PPP3CB: variants seen among roughly 807,000 people sequenced by gnomAD.
The protein encoded by PPP3CB is protein phosphatase 3 catalytic subunit beta.
Under a neutral mutation model 66.4 loss-of-function variants are expected in PPP3CB, and 8 were observed. The ratio of observed to expected loss-of-function variants is 0.12; its 90% CI spans 0.07 to 0.22. The LOEUF (loss-of-function observed/expected upper bound fraction) is 0.22. Ranked by LOEUF, PPP3CB falls within the 10% of genes least tolerant of loss-of-function variation. The pLI, the probability that PPP3CB is intolerant of heterozygous loss-of-function variation, is 1.00. For synonymous variants in PPP3CB, 208 were observed against 221.2 expected (o/e 0.94, Z 0.53); for missense variants, 319 against 642.5 (o/e 0.50, Z 5.44).
intron 4 of PPP3CB, among the ~76,000 whole-genome samples, chr10:73,474,396 A>G (rs2056754690): frequency 1.3e-5 from 2 of 152,114 alleles, no homozygotes; most frequent in Admixed American, 1.3e-4. Flanking sequence ...GTATGTTTGT[A>G]AAAGTTAAAC....
In PPP3CB at chr10:73,437,311, C is replaced by A. The variant is rs1339578566; in HGVS notation, c.*931G>T. ...TGGCTCTCTAAGCAACTTGAGTACT[C>A]ACAATAAACTAAAATTTCTCATAAC... On this transcript the variant is annotated 3_prime_UTR_variant, in exon 14 of 14. Coordinates refer to ENST00000360663, the MANE Select transcript of PPP3CB (RefSeq NM_021132.4). 1 of 152,634 alleles carries A rather than the reference C, an allele frequency of 6.6e-6. No homozygotes were observed. 9.5% of individuals were successfully genotyped at this position (152,634 alleles called of 1,614,324 possible). A position where few individuals can be genotyped will look rare whatever the true frequency, so the allele number is the denominator to read the frequency against.
chr10:73,454,539 A>C, intron 9 of PPP3CB, 50 bp from the exon 10 acceptor site: 1 of 1,191,902 alleles, frequency 8.4e-7, no homozygotes, highest in Non-Finnish European at 1.2e-6. Flanking sequence ...ATAACTGTCT[A>C]TACATACACA....
chr10:73,464,018 C>T (rs2056575590), intron 9 of PPP3CB, among the ~76,000 whole-genome samples: 1 of 152,150 alleles, frequency 6.6e-6, no homozygotes, highest in Admixed American at 6.5e-5. Context: ...GCAACCTCCA[C>T]CTCCTGGGTT....
At chr10:73,442,885 A>AT (rs939221723) in intron 12 of PPP3CB, among the ~76,000 whole-genome samples, 18 of 151,778 alleles carry the variant, frequency 1.2e-4, no homozygotes, top group African/African-American at 3.1e-4. Context: ...CAGGAAAAAA[A>AT]TTTTTTTTAT....
At chr10:73,479,561 C>T (rs763512535) in intron 1 of PPP3CB, 44 bp from the exon 2 acceptor site, 7 of 1,553,882 alleles carry the variant, frequency 4.5e-6, no homozygotes, top group African/African-American at 2.7e-5. Context: ...ACCAAAAATA[C>T]ATTAACTTAA....
At chr10:73,439,654 G>A (rs1003514494) in intron 13 of PPP3CB, among the ~76,000 whole-genome samples, 11 of 151,846 alleles carry the variant, frequency 7.2e-5, no homozygotes, top group African/African-American at 9.7e-5. Flanking sequence ...ATATTACACC[G>A]GAAAGAAGAA....
intron 1 of PPP3CB, among the ~76,000 whole-genome samples, chr10:73,482,202 ATT>A (rs200623450): frequency 1.4e-5 from 2 of 145,662 alleles, no homozygotes; most frequent in Non-Finnish European, 1.5e-5. Flanking sequence ...AGGTCAGAGA[ATT>A]TTTTTTTTTT....
intron 8 of PPP3CB, among the ~76,000 whole-genome samples, chr10:73,468,537 T>C (rs1033612392): frequency 4.6e-5 from 7 of 152,190 alleles, no homozygotes; most frequent in African/African-American, 7.2e-5. Flanking sequence ...CTACCCTGCC[T>C]ACCACAGAAG....
At chr10:73,443,266 G>GAGAGAGAA (rs2056184447) in intron 12 of PPP3CB, among the ~76,000 whole-genome samples, 1 of 64,520 alleles carries the variant, frequency 1.5e-5, no homozygotes, top group African/African-American at 4.5e-5. Context: ...GAGAGAGAGA[G>GAGAGAGAA]AGAAAGAAAG....
chr10:73,455,655 G>A (rs1406211729), intron 9 of PPP3CB, among the ~76,000 whole-genome samples: 2 of 152,058 alleles, frequency 1.3e-5, no homozygotes, highest in African/African-American at 2.4e-5. Context: ...TGCAGGCTCC[G>A]CCTCCCGGGT....
At position 73,479,982 on chromosome 10, in the gene PPP3CB, C is replaced by T. The variant is rs550372481; in HGVS notation, c.86-465G>A. 9.2e-5 allele frequency among the ~76,000 whole-genome samples: 14 copies of T among 151,966 alleles called. No individual in the cohort carries two copies. In the South Asian group the frequency reaches 1.0e-3, roughly 11 times the overall value. Reference sequence around the variant, plus strand: ...TTGGAGACCAGCCTGGGCAACACAGCGAGACACCATCTCAAAAAAAACCCC... The same window carrying T: ...TTGGAGACCAGCCTGGGCAACACAGTGAGACACCATCTCAAAAAAAACCCC... On this transcript the variant is annotated intron_variant, in intron 1 of 13. Coordinates refer to ENST00000360663, the MANE Select transcript of PPP3CB (RefSeq NM_021132.4).
chr10:73,451,722 T>A (rs372653541), intron 10 of PPP3CB, among the ~76,000 whole-genome samples: 2 of 148,494 alleles, frequency 1.3e-5, no homozygotes, highest in African/African-American at 4.9e-5. Context: ...CTTGGTAACA[T>A]AGGGAAACCT....
intron 2 of PPP3CB, among the ~76,000 whole-genome samples, chr10:73,479,007 A>T (rs1010804252): frequency 6.6e-6 from 1 of 152,228 alleles, no homozygotes; most frequent in Non-Finnish European, 1.5e-5. Flanking sequence ...ATCTGATATG[A>T]CATCAAGGTA....
Position 73,471,522 on chromosome 10 carries a change from A to C in PPP3CB, c.615T>G (p.Leu205=). The change falls in exon 5 of 14, where the codon CTT becomes CTG. Residue 205 remains leucine (L), a synonymous_variant. Transcript: ENST00000360663. The part of the protein sequence containing the change: ...PLAALLNQQF[L]CVHGGLSPEI... ...CTGGTGAAAGTCCACCATGAACACA[A>C]AGAAACTGTTGGTTTAAAAGTGCAG... 1 of 1,613,084 alleles carries C rather than the reference A, an allele frequency of 6.2e-7. No individual in the cohort carries two copies. Among genetic ancestry groups the C allele is most frequent in the Non-Finnish European group, 8.5e-7 (1 of 1,179,312 alleles).
At chr10:73,444,611 G>A in intron 12 of PPP3CB, 114 bp downstream of exon 12, 1 of 1,557,060 alleles carries the variant, frequency 6.4e-7, no homozygotes, top group Non-Finnish European at 8.7e-7. Context: ...CAGCTGCTGA[G>A]ACAGGAACTA....
chr10:73,458,042 G>A (rs1421290833), intron 9 of PPP3CB, among the ~76,000 whole-genome samples: 1 of 152,174 alleles, frequency 6.6e-6, no homozygotes, highest in African/African-American at 2.4e-5. Flanking sequence ...TCTGGTGATA[G>A]ATACACTAAA....
In PPP3CB at chr10:73,438,256, G is replaced by A; in HGVS notation, c.1561C>T (p.His521Tyr). Reference protein sequence around the residue: ...HATENHGTGNHTAQ With the variant: ...HATENHGTGNYTAQ ...GAAGTAGTGGGTCACTGGGCAGTAT[G>A]GTTGCCCGTCCCGTGGTTCTCAGTG... The change falls in exon 14 of 14, where the codon CAT becomes TAT. Residue 521 changes from histidine (H) to tyrosine (Y), a missense_variant. His to Tyr is a moderately conservative substitution (Grantham distance 83, BLOSUM62 2). Transcript: ENST00000360663. The A allele has an allele frequency of 6.2e-7, 1 of 1,613,860 alleles. No individual in the cohort carries two copies. The highest frequency in any genetic ancestry group is 8.5e-7 in the Non-Finnish European group (1 of 1,179,888).
At chr10:73,442,213 C>T (rs1232601183) in intron 12 of PPP3CB, among the ~76,000 whole-genome samples, 1 of 152,126 alleles carries the variant, frequency 6.6e-6, no homozygotes, top group African/African-American at 2.4e-5. Context: ...AAACTCAATT[C>T]CTTCCAGTAA....
At chr10:73,490,930 T>C (rs1216176000) in intron 1 of PPP3CB, among the ~76,000 whole-genome samples, 3 of 151,896 alleles carry the variant, frequency 2.0e-5, no homozygotes, top group Non-Finnish European at 4.4e-5. Context: ...CTTCTCAGGT[T>C]CAAGTGATTC....
Sources: gnomAD v4.1 joint callset for allele counts (sites outside exome capture counted in the v4.1 genomes callset) on GRCh38, gnomAD v4.1.1 for gene constraint, MANE v1.5 for transcripts, NCBI Gene and HGNC (gene_info 2026-07-23, HGNC 2026-07-21) for gene names.